USP43: variants seen among roughly 807,000 people sequenced by gnomAD.
USP43 encodes the protein ubiquitin carboxyl-terminal hydrolase 43.
A neutral mutation model predicts 90.7 loss-of-function variants in USP43; 33 were observed. The observed-to-expected ratio is 0.36, with a 90% CI of 0.28 to 0.49. The LOEUF is 0.49. Ranked by LOEUF, USP43 falls within the 20% of genes least tolerant of loss-of-function variation. The probability of loss-of-function intolerance (pLI) is 0.98; values close to 1 mark genes in which losing one functional copy is unlikely to be tolerated. For synonymous variants in USP43, 598 were observed against 615.8 expected (o/e 0.97, Z 0.43); for missense variants, 1,274 against 1,476.4 (o/e 0.86, Z 2.25).
intron 2 of USP43, among the ~76,000 whole-genome samples, chr17:9,660,876 G>T (rs1020270161): frequency 2.0e-5 from 3 of 152,334 alleles, no homozygotes; most frequent in South Asian, 4.2e-4. Flanking sequence ...CCTCAAATTT[G>T]CTCTCAGAAA....
chr17:9,686,904 G>A lies in USP43; in HGVS notation c.1348G>A (p.Val450Ile). Reference sequence around the variant, plus strand: ...CCATCTTATGAAGAGTGAGGCCCCTGTACAGGTCAGTGGTGTGCATGCGTG... The same window carrying A: ...CCATCTTATGAAGAGTGAGGCCCCTATACAGGTCAGTGGTGTGCATGCGTG... ...VRHLMKSEAP[V>I]QNLGSLFSIR... The change falls in exon 8 of 15, where the codon GTA becomes ATA. Residue 450 changes from valine to isoleucine, a missense_variant. Val to Ile is a conservative substitution (Grantham distance 29, BLOSUM62 3). Coordinates refer to ENST00000285199, the MANE Select transcript of USP43 (RefSeq NM_153210.5). This position sits in a 1 kb window ranked among gnomAD's most constrained non-coding sequence, Gnocchi z 5.5. 1 of 1,613,012 alleles carries A rather than the reference G, an allele frequency of 6.2e-7. No individual in the cohort carries two copies.
chr17:9,671,826 T>C (rs1403430870), intron 3 of USP43, among the ~76,000 whole-genome samples: 1 of 152,136 alleles, frequency 6.6e-6, no homozygotes, highest in African/African-American at 2.4e-5. Flanking sequence ...GGTATTGCTC[T>C]AGCCTGGTAA....
chr17:9,721,616 T>C (rs2152001372), intron 14 of USP43, among the ~76,000 whole-genome samples: 1 of 152,272 alleles, frequency 6.6e-6, no homozygotes, highest in East Asian at 1.9e-4. Context: ...AACTATTAAA[T>C]TAGGTGAGTT....
Position 9,709,993 on chromosome 17 carries a change from T to G in USP43, c.2049T>G (p.Ser683Arg), listed in dbSNP as rs1167726809. 4 of 1,562,938 alleles carry G rather than the reference T, an allele frequency of 2.6e-6. No individual in the cohort carries two copies. The South Asian group carries it at 3.6e-5, about 14-fold the overall frequency. ...ACTCTCTGGATGGCCAGTGGTACAG[T>G]TATGATGACAGCACGGTGGAACCGC... ...CRNSLDGQWYSYDDSTVEPLR... is the reference protein window; with the variant it reads ...CRNSLDGQWYRYDDSTVEPLR... The change falls in exon 13 of 15, where the codon AGT (serine) becomes AGG (arginine). Residue 683 changes from serine to arginine, a missense_variant. Around this residue, in one of 6 missense-constraint regions of USP43, gnomAD observed 285 missense variants for 349.6 expected, o/e 0.82. Coordinates refer to ENST00000285199, the MANE Select transcript of USP43 (RefSeq NM_153210.5). This position sits in a 1 kb window ranked among gnomAD's most constrained non-coding sequence, Gnocchi z 5.0.
At chr17:9,717,943 C>T (rs1431626665) in intron 14 of USP43, among the ~76,000 whole-genome samples, 1 of 151,792 alleles carries the variant, frequency 6.6e-6, no homozygotes, top group Admixed American at 6.6e-5. Context: ...ACTACAGGCA[C>T]GCACCACCAC....
At chr17:9,704,051 C>T (rs189448305) in intron 12 of USP43, among the ~76,000 whole-genome samples, 9 of 152,208 alleles carry the variant, frequency 5.9e-5, no homozygotes, top group South Asian at 2.1e-4. Context: ...AATGTTGCTC[C>T]GTGTGGAATG....
At chr17:9,711,510 C>T (rs1473760897) in intron 13 of USP43, among the ~76,000 whole-genome samples, 2 of 152,124 alleles carry the variant, frequency 1.3e-5, no homozygotes, top group African/African-American at 4.8e-5. Context: ...CTCACTGCAA[C>T]CTCCGCCTCC....
chr17:9,715,540 GTGTC>G (rs1207611081), intron 14 of USP43, among the ~76,000 whole-genome samples: 8 of 150,188 alleles, frequency 5.3e-5, no homozygotes, highest in Non-Finnish European at 1.0e-4. Context: ...GTCTGTGTGT[GTGTC>G]TGTGTCTTTG....
chr17:9,700,335 C>A (rs1012206209), intron 10 of USP43, 86 bp downstream of exon 10: 20 of 1,326,960 alleles, frequency 1.5e-5, no homozygotes, highest in South Asian at 1.2e-4. Context: ...TCCCCCAGCA[C>A]GGCTGCAGGC....
Position 9,728,362 on chromosome 17 carries a change from T to C in USP43, c.2744T>C (p.Leu915Pro). The change falls in exon 15 of 15, where the codon CTC becomes CCC. Residue 915 changes from leucine to proline, a missense_variant. By Grantham distance (98) the Leu-to-Pro change is moderately conservative. Coordinates refer to ENST00000285199, the MANE Select transcript of USP43 (RefSeq NM_153210.5). This position sits in a 1 kb window ranked among gnomAD's most constrained non-coding sequence, Gnocchi z 6.2. Reference sequence around the variant, plus strand: ...GATGGTCCAAACACAGCAAGGAAACTCAAGGAAAATGCAGGGCAGGACATC... The same window carrying C: ...GATGGTCCAAACACAGCAAGGAAACCCAAGGAAAATGCAGGGCAGGACATC... ...NSDGPNTARK[L>P]KENAGQDIKL... 6.2e-7 allele frequency: 1 copy of C among 1,610,036 alleles called. No individual in the cohort carries two copies. Among genetic ancestry groups the C allele is most frequent in the Non-Finnish European group, 8.5e-7 (1 of 1,178,222 alleles).
At chr17:9,675,372 G>A (rs114554963) in intron 4 of USP43, among the ~76,000 whole-genome samples, 300 of 152,154 alleles carry the variant, frequency 2.0e-3, no homozygotes, top group Non-Finnish European at 3.1e-3. Context: ...GAAGGTGCAG[G>A]AAAAAGATTT....
At chr17:9,683,080 A>G (rs1914398993) in intron 7 of USP43, 122 bp downstream of exon 7, 1 of 1,310,216 alleles carries the variant, frequency 7.6e-7, no homozygotes, top group Non-Finnish European at 1.0e-6. Flanking sequence ...AGCCAGAAGT[A>G]GGGTCCTTTC....
In USP43 at chr17:9,688,072, G is replaced by A. The variant is rs1044757177; in HGVS notation, c.1353+1163G>A. On this transcript the variant is annotated intron_variant, in intron 8 of 14. Transcript: ENST00000285199. Reference sequence around the variant, plus strand: ...GTGATCTCGGCTCACTGCAAGCTCCGCCTCCCGGGTTCACGCCATTCTTCT... The same window carrying A: ...GTGATCTCGGCTCACTGCAAGCTCCACCTCCCGGGTTCACGCCATTCTTCT... Among the ~76,000 whole-genome samples the A allele has an allele frequency of 9.9e-5, 15 of 152,044 alleles. 1 individual carries two copies. The East Asian group carries it at 2.5e-3, about 26-fold the overall frequency.
At chr17:9,680,179 T>C in intron 5 of USP43, 52 bp from the exon 6 acceptor site, 9 of 1,595,386 alleles carry the variant, frequency 5.6e-6, no homozygotes, top group Non-Finnish European at 7.7e-6. Flanking sequence ...ATTTCTTATC[T>C]GTTGATTTCT....
Position 9,664,593 on chromosome 17 carries a change from G to A in USP43, c.637-2055G>A, listed in dbSNP as rs144565482. Among the ~76,000 whole-genome samples, 17 of 152,100 alleles carry A rather than the reference G, an allele frequency of 1.1e-4. No homozygotes were observed. In the East Asian group the frequency reaches 3.3e-3, roughly 29 times the overall value. On this transcript the variant is annotated intron_variant, in intron 2 of 14. Coordinates refer to ENST00000285199, the MANE Select transcript of USP43 (RefSeq NM_153210.5). ...GGGGGAGTGATGATGAAAAAGTTGAGAGGTGCTGCTCTAGGGCATATTTTA... is the reference window on the plus strand; with the variant it reads ...GGGGGAGTGATGATGAAAAAGTTGAAAGGTGCTGCTCTAGGGCATATTTTA...
intron 12 of USP43, among the ~76,000 whole-genome samples, chr17:9,702,345 G>A (rs1915624725): frequency 6.6e-6 from 1 of 152,188 alleles, no homozygotes; most frequent in African/African-American, 2.4e-5. Context: ...GCGAGACCGT[G>A]TCTCCAAAAC....
rs151112744 is a variant in USP43 at position 9,670,245 on chromosome 17, G to A, written c.740+3494G>A. Among the ~76,000 whole-genome samples the A allele has an allele frequency of 1.3e-3, 193 of 151,992 alleles. 2 individuals are homozygous for A. Among genetic ancestry groups the A allele is most frequent in the African/African-American group, 4.3e-3 (179 of 41,454 alleles). ...GTAGAGATGGGGTTTCATCATGCTGGCCAGGCTGGTCTTGAACTCCTGACC... is the reference window on the plus strand; with the variant it reads ...GTAGAGATGGGGTTTCATCATGCTGACCAGGCTGGTCTTGAACTCCTGACC... On this transcript the variant is annotated intron_variant, in intron 3 of 14. Transcript: ENST00000285199.
chr17:9,674,896 C>G lies in USP43; in HGVS notation c.746C>G (p.Ser249Cys). 4 of 1,613,966 alleles carry G rather than the reference C, an allele frequency of 2.5e-6. No individual in the cohort carries two copies. Among genetic ancestry groups the G allele is most frequent in the Non-Finnish European group, 3.4e-6 (4 of 1,179,842 alleles). ...TCTGTTCTTCACCCTCACAGATCTT[C>G]CTTGACTTGTCCCCACTGCCTGAAA... Reference protein sequence around the residue: ...QSHFQAQYRSSLTCPHCLKQS... With the variant: ...QSHFQAQYRSCLTCPHCLKQS... The change falls in exon 4 of 15, where the codon TCC (serine) becomes TGC (cysteine). Residue 249 changes from serine to cysteine, a missense_variant. Around this residue, in one of 6 missense-constraint regions of USP43, gnomAD observed 259 missense variants for 373.7 expected, o/e 0.69. Coordinates refer to ENST00000285199, the MANE Select transcript of USP43 (RefSeq NM_153210.5). The surrounding 1 kb of genome is among the most constrained non-coding windows in gnomAD (Gnocchi z 4.4).
Position 9,727,983 on chromosome 17 carries a change from G to T in USP43, c.2365G>T (p.Gly789Cys), listed in dbSNP as rs766191747. Residue 789 changes from glycine (G) to cysteine (C), a missense_variant, in exon 15 of 15, where the codon GGC (glycine) becomes TGC (cysteine). Coordinates refer to ENST00000285199, the MANE Select transcript of USP43 (RefSeq NM_153210.5). Reference sequence around the variant, plus strand: ...GTTGGAGCCCAGGCGTTTGGTACGGGGCGTGAAAGGCAGAAGCATTAGCAT... The same window carrying T: ...GTTGGAGCCCAGGCGTTTGGTACGGTGCGTGAAAGGCAGAAGCATTAGCAT... The part of the protein sequence containing the change: ...GGLEPRRLVR[G>C]VKGRSISMKA... The T allele has an allele frequency of 6.2e-7, 1 of 1,610,524 alleles. No individual in the cohort carries two copies. The highest frequency in any genetic ancestry group is 8.5e-7 in the Non-Finnish European group (1 of 1,177,190).
Sources: allele counts gnomAD v4.1 joint callset (sites outside exome capture counted in the v4.1 genomes callset), GRCh38; gene constraint gnomAD v4.1.1; regional missense constraint gnomAD v4.1.1; non-coding constraint Gnocchi (gnomAD v3.1); transcripts MANE v1.5; gene names NCBI Gene and HGNC (gene_info 2026-07-23, HGNC 2026-07-21).